Variants in MARCHF1 observed in about 807,000 individuals in gnomAD.
MARCHF1 encodes E3 ubiquitin-protein ligase MARCHF1.
A neutral mutation model predicts 54.2 loss-of-function variants in MARCHF1; 40 were observed. The ratio of observed to expected loss-of-function variants is 0.74; its 90% CI spans 0.57 to 0.96. The LOEUF (loss-of-function observed/expected upper bound fraction) is 0.96, where lower values mean the gene tolerates loss of function less well. Ranked by LOEUF, MARCHF1 falls within the 40% of genes least tolerant of loss-of-function variation. The pLI is 0.00. For missense variants in MARCHF1, 586 were observed against 656.5 expected, an observed-to-expected ratio of 0.89 and a Z score of 1.17; for synonymous variants, 236 against 236.3, an observed-to-expected ratio of 1.00 and a Z score of 0.01.
chr4:164,278,247 C>T (rs573403725), intron 1 of MARCHF1, among the ~76,000 whole-genome samples: 2 of 152,182 alleles, frequency 1.3e-5, no homozygotes, highest in South Asian at 4.1e-4. Context: ...GAGGTCAAGG[C>T]TGCAATGAGC....
chr4:164,077,293 T>G (rs1437454013), intron 2 of MARCHF1, among the ~76,000 whole-genome samples: 2 of 152,170 alleles, frequency 1.3e-5, no homozygotes, highest in Non-Finnish European at 2.9e-5. Context: ...GATTCCCTAT[T>G]TAATAAATGG....
At chr4:163,727,432 C>T (rs1745693780) in intron 4 of MARCHF1, among the ~76,000 whole-genome samples, 1 of 151,984 alleles carries the variant, frequency 6.6e-6, no homozygotes, top group South Asian at 2.1e-4. Flanking sequence ...CTCAGCCTCC[C>T]CAGCAGCTGG....
In MARCHF1 at chr4:164,374,378, C is replaced by T. The variant is rs1004135811; in HGVS notation, c.-323+9492G>A. On this transcript the variant is annotated intron_variant, in intron 1 of 9. Coordinates refer to ENST00000514618, the MANE Select transcript of MARCHF1 (RefSeq NM_001394959.1). ...GAAATTTAAAAAGTGGGACAAAAAG[C>T]TAACGATAGTCCTATGACAACTATT... Among the ~76,000 whole-genome samples, 4 of 151,972 alleles carry T rather than the reference C, an allele frequency of 2.6e-5. No individual in the cohort carries two copies. In the South Asian group the frequency reaches 8.3e-4, roughly 32 times the overall value.
intron 7 of MARCHF1, among the ~76,000 whole-genome samples, chr4:163,601,959 A>G (rs1511781): frequency 0.92 from 139,374 of 151,714 alleles, 64,129 homozygotes; most frequent in African/African-American, 0.97. Context: ...TGATAATACT[A>G]TCATTTCATC....
At chr4:164,278,141 C>A (rs1733932026) in intron 1 of MARCHF1, among the ~76,000 whole-genome samples, 1 of 152,256 alleles carries the variant, frequency 6.6e-6, no homozygotes, top group Admixed American at 6.5e-5. Flanking sequence ...AAAAGTCTGT[C>A]TCTACAAAAA....
intron 2 of MARCHF1, among the ~76,000 whole-genome samples, chr4:164,097,978 G>C (rs1755451518): frequency 6.6e-6 from 1 of 152,148 alleles, no homozygotes; most frequent in African/African-American, 2.4e-5. Flanking sequence ...GACCCCTTCA[G>C]CTTCTCCTGG....
intron 1 of MARCHF1, among the ~76,000 whole-genome samples, chr4:164,360,766 C>T (rs1446143640): frequency 6.6e-6 from 1 of 152,052 alleles, no homozygotes; most frequent in African/African-American, 2.4e-5. Context: ...TTGCAATTGT[C>T]ATTTTCATAT....
chr4:163,796,351 C>T (rs528235417), intron 4 of MARCHF1, among the ~76,000 whole-genome samples: 24 of 151,418 alleles, frequency 1.6e-4, no homozygotes, highest in Non-Finnish European at 3.2e-4. Context: ...CTCAGCCTCC[C>T]GAGTAGCTGG....
intron 5 of MARCHF1, among the ~76,000 whole-genome samples, chr4:163,676,148 T>C (rs1743905719): frequency 7.2e-6 from 1 of 139,192 alleles, no homozygotes; most frequent in African/African-American, 2.7e-5. Context: ...TTCTACAGCC[T>C]GACCAAAATG....
chr4:163,724,064 C>T (rs1327221257), intron 4 of MARCHF1, among the ~76,000 whole-genome samples: 5 of 152,068 alleles, frequency 3.3e-5, no homozygotes, highest in South Asian at 4.2e-4. Context: ...CCATTGCTGG[C>T]GAGGAGCTGT....
intron 1 of MARCHF1, among the ~76,000 whole-genome samples, chr4:164,178,948 C>A (rs1730759856): frequency 6.6e-6 from 1 of 152,060 alleles, no homozygotes; most frequent in African/African-American, 2.4e-5. Flanking sequence ...CCTAGAACCA[C>A]CCCAACCCCG....
chr4:164,196,387 AAATCATTGT>A (rs1731259231), intron 1 of MARCHF1, among the ~76,000 whole-genome samples: 1 of 152,106 alleles, frequency 6.6e-6, no homozygotes, highest in Non-Finnish European at 1.5e-5. Flanking sequence ...TGAAGCTTAT[AAATCATTGT>A]TTTAATAAAT....
intron 8 of MARCHF1, among the ~76,000 whole-genome samples, chr4:163,545,948 T>C (rs1268650708): frequency 6.2e-5 from 1 of 16,076 alleles, no homozygotes; most frequent in Non-Finnish European, 1.1e-4. Flanking sequence ...TAAATACATA[T>C]GTGTGTGTGT....
intron 3 of MARCHF1, among the ~76,000 whole-genome samples, chr4:163,941,540 CTTGCTGTTTACT>C (rs1282011205): frequency 1.3e-5 from 2 of 152,098 alleles, no homozygotes; most frequent in African/African-American, 4.8e-5. Flanking sequence ...ATATCCTTGC[CTTGCTGTTTACT>C]TTGTGTGACC....
Position 163,861,923 on chromosome 4 carries a change from G to A in MARCHF1, c.-38-7754C>T, listed in dbSNP as rs181923992. 8.3e-4 allele frequency among the ~76,000 whole-genome samples: 126 copies of A among 152,110 alleles called. 1 individual carries two copies. The highest frequency in any genetic ancestry group is 2.9e-3 in the African/African-American group (119 of 41,528). On this transcript the variant is annotated intron_variant, in intron 3 of 9. Transcript: ENST00000514618. ...GATTTTAGAAATAGACTCATGAATA[G>A]AGTCAACTCATCTTTGAAGAAGGAC...
chr4:163,741,391 T>G (rs933979504), intron 4 of MARCHF1, among the ~76,000 whole-genome samples: 22 of 151,650 alleles, frequency 1.5e-4, no homozygotes, highest in African/African-American at 5.1e-4. Context: ...TCAAGACAAC[T>G]CTGGCCAACA....
chr4:163,864,027 G>T (rs1749997937), intron 3 of MARCHF1, among the ~76,000 whole-genome samples: 1 of 151,970 alleles, frequency 6.6e-6, no homozygotes. Flanking sequence ...TATAATGAAT[G>T]ATTGAATAAA....
intron 4 of MARCHF1, among the ~76,000 whole-genome samples, chr4:163,811,165 G>A (rs1748373476): frequency 6.6e-6 from 1 of 151,976 alleles, no homozygotes; most frequent in Admixed American, 6.6e-5. Context: ...CCCTCAGGAT[G>A]TCTTTTGTCT....
intron 2 of MARCHF1, among the ~76,000 whole-genome samples, chr4:164,082,622 C>T (rs1284427145): frequency 2.0e-5 from 3 of 152,026 alleles, no homozygotes; most frequent in Non-Finnish European, 4.4e-5. Flanking sequence ...TATTTTGAGG[C>T]CTCTCCACAA....
Sources: allele counts gnomAD v4.1 joint callset (sites outside exome capture counted in the v4.1 genomes callset), GRCh38; gene constraint gnomAD v4.1.1; transcripts MANE v1.5; gene names NCBI Gene and HGNC (gene_info 2026-07-23, HGNC 2026-07-21).